DUT: variants seen among roughly 807,000 people sequenced by gnomAD.
The protein encoded by DUT is deoxyuridine triphosphatase, also known as deoxyuridine 5'-triphosphate nucleotidohydrolase, mitochondrial.
A neutral mutation model predicts 28.8 loss-of-function variants in DUT; 21 were observed. The observed-to-expected ratio is 0.73, with a 90% confidence interval of 0.52 to 1.05. The LOEUF (loss-of-function observed/expected upper bound fraction) is 1.05, where lower values mean the gene tolerates loss of function less well. Ranked by LOEUF, DUT falls within the 50% of genes least tolerant of loss-of-function variation. The pLI is 0.00. For synonymous variants in DUT, 147 were observed against 143.7 expected (o/e 1.02, Z -0.17); for missense variants, 344 against 351.8 (o/e 0.98, Z 0.18).
At chr15:48,331,369 CG>C (rs1597477247), upstream of DUT, 18 of 1,464,196 alleles carry the variant, frequency 1.2e-5, no homozygotes, top group Non-Finnish European at 1.4e-5. Flanking sequence ...CCTGGGCTGC[CG>C]GGGCACCGCC....
At chr15:48,332,481 A>C in intron 2 of DUT, 75 bp downstream of exon 2, 1 of 1,283,164 alleles carries the variant, frequency 7.8e-7, no homozygotes, top group Non-Finnish European at 1.1e-6. Context: ...CAGTCACCGG[A>C]GAGATCACAG....
At chr15:48,341,740 C>A in intron 6 of DUT, 155 bp downstream of exon 6, 1 of 684,092 alleles carries the variant, frequency 1.5e-6, no homozygotes, top group South Asian at 2.2e-5. Context: ...TTTAGAATTT[C>A]TTTAAATGTT....
intron 2 of DUT, chr15:48,332,722 C>A: frequency 1.7e-6 from 1 of 571,816 alleles, no homozygotes. Flanking sequence ...ATGCTGTGCT[C>A]AATAGAAAAA....
At chr15:48,338,505 C>G (rs994541519) in intron 4 of DUT, among the ~76,000 whole-genome samples, 1 of 152,064 alleles carries the variant, frequency 6.6e-6, no homozygotes, top group Admixed American at 6.6e-5. Context: ...AAAATATAGA[C>G]AAGGACATGC....
intron 4 of DUT, among the ~76,000 whole-genome samples, chr15:48,339,533 G>A (rs1189018286): frequency 6.6e-6 from 1 of 152,004 alleles, no homozygotes; most frequent in Non-Finnish European, 1.5e-5. Flanking sequence ...AATTGTCCCT[G>A]CAGTCAAAAT....
Position 48,331,772 on chromosome 15 carries a change from G to C in DUT, c.257G>C (p.Gly86Ala), listed in dbSNP as rs2042413707. ...AGWKGELPKA[G>A]GSPAPGPETP... is the part of the protein sequence containing the mutation. The stretch of plus-strand genomic sequence containing the variant: ...TGGAAGGGCGAGCTTCCTAAGGCGG[G>C]GGGAAGCCCGGCGCCGGGGCCGGGT... The change falls in exon 1 of 7, where the codon GGG becomes GCG. Residue 86 changes from glycine (G) to alanine (A), a missense_variant. Physicochemically the swap from Gly to Ala is moderately conservative, Grantham distance 60 (BLOSUM62 0). Transcript: ENST00000331200. The C allele has an allele frequency of 2.2e-6, 3 of 1,388,222 alleles. No homozygotes were observed. Among genetic ancestry groups the C allele is most frequent in the Admixed American group, 6.9e-5 (2 of 28,990 alleles). 86.0% of individuals were successfully genotyped at this position (1,388,222 alleles called of 1,614,324 possible).
At chr15:48,331,345 G>C (rs1214448492), upstream of DUT, 4 of 1,449,152 alleles carry the variant, frequency 2.8e-6, no homozygotes, top group East Asian at 1.0e-4. Flanking sequence ...TGGGGCCCCA[G>C]GGCCTGCGCC....
At chr15:48,341,633 G>A (rs767822057) in intron 6 of DUT, 48 bp downstream of exon 6, 5 of 1,418,222 alleles carry the variant, frequency 3.5e-6, no homozygotes, top group South Asian at 1.2e-5. Context: ...AACATCTTAA[G>A]TGAAGAAATA....
intron 4 of DUT, among the ~76,000 whole-genome samples, chr15:48,338,872 C>T (rs1008199507): frequency 1.3e-5 from 2 of 152,226 alleles, no homozygotes; most frequent in African/African-American, 2.4e-5. Context: ...CGTTGTGGCT[C>T]ATGCCTGTAA....
At position 48,336,562 on chromosome 15, in the gene DUT, G is replaced by T. The variant is rs1458150612; in HGVS notation, c.556+472G>T. ...CTCAAAGTTAACCCTACCTCATGTG[G>T]TACCTTTCATGAAGAACCCTCAGTG... On this transcript the variant is annotated intron_variant, in intron 4 of 6. Transcript: ENST00000331200. Among the ~76,000 whole-genome samples the T allele has an allele frequency of 4.6e-5, 7 of 152,240 alleles. No individual in the cohort carries two copies. The South Asian group carries it at 1.0e-3, about 23-fold the overall frequency.
At chr15:48,338,494 C>G (rs1339518438) in intron 4 of DUT, among the ~76,000 whole-genome samples, 1 of 151,980 alleles carries the variant, frequency 6.6e-6, no homozygotes, top group Non-Finnish European at 1.5e-5. Context: ...AAAACATACA[C>G]AAAATATAGA....
chr15:48,335,370 T>G (rs2042463855), intron 3 of DUT, among the ~76,000 whole-genome samples: 1 of 152,254 alleles, frequency 6.6e-6, no homozygotes, highest in Non-Finnish European at 1.5e-5. Context: ...TTTTCATTTT[T>G]TAGGATTAAA....
intron 2 of DUT, among the ~76,000 whole-genome samples, chr15:48,333,531 A>G (rs1479591668): frequency 6.6e-6 from 1 of 152,216 alleles, no homozygotes; most frequent in Non-Finnish European, 1.5e-5. Flanking sequence ...TTAACTGTTT[A>G]AAGAGGGATT....
Position 48,331,644 on chromosome 15 carries a change from GC to G in DUT, c.133del (p.Leu45SerfsTer19). 1.3e-6 allele frequency: 2 copies of G among 1,539,952 alleles called. No individual in the cohort carries two copies. The highest frequency in any genetic ancestry group is 1.8e-6 in the Non-Finnish European group (2 of 1,142,828). On this transcript the variant is annotated frameshift_variant, in exon 1 of 7. Transcript: ENST00000331200. LOFTEE classifies it high-confidence loss of function. ...EAAVLSGPGP[P>X]LGRAAQHGIP... ...CCGCGGTACTCTCCGGGCCAGGCCCGCCCCTCGGCCGCGCCGCGCAGCACGG... is the reference window on the plus strand; with the variant it reads ...CCGCGGTACTCTCCGGGCCAGGCCCGCCCTCGGCCGCGCCGCGCAGCACGG...
chr15:48,341,266 A>G (rs1034471292), intron 4 of DUT, 23 bp from the exon 5 acceptor site: 4 of 1,487,548 alleles, frequency 2.7e-6, no homozygotes, highest in Non-Finnish European at 3.7e-6. Context: ...AAATTGAGAT[A>G]ATATTACTTT....
intron 4 of DUT, among the ~76,000 whole-genome samples, chr15:48,338,963 T>C (rs980509896): frequency 2.0e-5 from 3 of 152,130 alleles, no homozygotes; most frequent in Non-Finnish European, 2.9e-5. Context: ...ATAGGGATAC[T>C]TTCTCTCTAC....
At chr15:48,339,319 T>G (rs1376661913) in intron 4 of DUT, among the ~76,000 whole-genome samples, 3 of 152,212 alleles carry the variant, frequency 2.0e-5, no homozygotes, top group African/African-American at 7.2e-5. Context: ...TGTATTGTTT[T>G]AGTTATTTAA....
rs2061631396 is a variant in DUT, at chr15:48,331,807, G to T, written c.280+12G>T. On this transcript the variant is annotated intron_variant, in intron 1 of 6. Transcript: ENST00000331200. ...GGCGCCGGGGCCGGGTAGGAAAGGC[G>T]GGGGAGGGGCTCCGGCCGTCTGGAA... is the stretch of plus-strand genomic sequence containing the variant. 2.2e-6 allele frequency: 3 copies of T among 1,364,714 alleles called. No individual in the cohort carries two copies. The highest frequency in any genetic ancestry group is 3.5e-5 in the South Asian group (2 of 57,200). 84.5% of individuals were successfully genotyped at this position (1,364,714 alleles called of 1,614,324 possible). A position where few individuals can be genotyped will look rare whatever the true frequency, so the allele number is the denominator to read the frequency against.
chr15:48,331,452 AG>A lies in DUT; in HGVS notation c.-61del. ...ATGTTCCCAGGACGGGCGCGTCTTC[AG>A]GGTGGAAGCCTGGCGCACGTCCGGA... On this transcript the variant is annotated 5_prime_UTR_variant, in exon 1 of 7. Transcript: ENST00000331200. 1 of 1,594,128 alleles carries A rather than the reference AG, an allele frequency of 6.3e-7. No homozygotes were observed. Among genetic ancestry groups the A allele is most frequent in the East Asian group, 2.3e-5 (1 of 43,694 alleles).
Sources: gnomAD v4.1 joint callset for allele counts (sites outside exome capture counted in the v4.1 genomes callset) on GRCh38, gnomAD v4.1.1 for gene constraint, MANE v1.5 for transcripts, NCBI Gene and HGNC (gene_info 2026-07-23, HGNC 2026-07-21) for gene names.